The following RGS6 variants were observed in gnomAD, a reference collection of about 807,000 sequenced individuals.
RGS6 encodes regulator of G protein signaling 6.
Under a neutral mutation model 78.5 loss-of-function variants are expected in RGS6, and 30 were observed. That is an observed-to-expected ratio of 0.38 (90% CI 0.29 to 0.52). The LOEUF is 0.52. Ranked by LOEUF, RGS6 falls within the 20% of genes least tolerant of loss-of-function variation. The pLI is 0.85. For synonymous variants in RGS6, 206 were observed against 206.0 expected (o/e 1.00, Z 0.00); for missense variants, 495 against 609.7 (o/e 0.81, Z 1.98).
chr14:72,394,215 G>A (rs1024977586), intron 3 of RGS6, among the ~76,000 whole-genome samples: 2 of 152,014 alleles, frequency 1.3e-5, no homozygotes, highest in Non-Finnish European at 2.9e-5. Context: ...GTGTCCGGGG[G>A]AGACATCACA....
chr14:72,245,860 A>G (rs1306592827), intron 2 of RGS6, among the ~76,000 whole-genome samples: 1 of 152,204 alleles, frequency 6.6e-6, no homozygotes, highest in Non-Finnish European at 1.5e-5. Context: ...AGGATAGTCA[A>G]CTGGGAGAAA....
intron 15 of RGS6, among the ~76,000 whole-genome samples, chr14:72,524,008 G>A (rs144846019): frequency 4.0e-4 from 61 of 152,178 alleles, no homozygotes; most frequent in African/African-American, 1.4e-3. Flanking sequence ...CTTCTTTACA[G>A]CCCGCTAAGG....
chr14:72,286,094 A>C lies in RGS6; in HGVS notation c.85-66001A>C, dbSNP rs563095907. ...ATCCAAGAAATCATTGCAGAGACCAATATCATAAAGTTTTGCCCCATGTTT... is the reference window on the plus strand; with the variant it reads ...ATCCAAGAAATCATTGCAGAGACCACTATCATAAAGTTTTGCCCCATGTTT... On this transcript the variant is annotated intron_variant, in intron 2 of 17. Transcript: ENST00000553525. Among the ~76,000 whole-genome samples, 7 of 152,312 alleles carry C rather than the reference A, an allele frequency of 4.6e-5. No individual in the cohort carries two copies. The South Asian group carries it at 1.2e-3, about 27-fold the overall frequency.
At chr14:72,021,352 G>A (rs375115634) in intron 2 of RGS6, among the ~76,000 whole-genome samples, 3 of 151,736 alleles carry the variant, frequency 2.0e-5, no homozygotes, top group African/African-American at 7.3e-5. Context: ...GGCCACCAAA[G>A]CACTGGAACA....
intron 17 of RGS6, 77 bp downstream of exon 17, chr14:72,540,171 T>TC (rs773784872): frequency 3.6e-5 from 53 of 1,458,266 alleles, no homozygotes; most frequent in African/African-American, 4.3e-5. Context: ...TTTTTTTTTT[T>TC]CCCTTTGGTT....
At chr14:72,189,814 C>T (rs1283172946) in intron 2 of RGS6, among the ~76,000 whole-genome samples, 6 of 151,974 alleles carry the variant, frequency 3.9e-5, no homozygotes, top group African/African-American at 7.3e-5. Flanking sequence ...GGTTGAGACA[C>T]GCATAAGATT....
At chr14:72,609,214 T>G in the RGS6 span, among the ~76,000 whole-genome samples, 1 of 151,430 alleles carries the variant, frequency 6.6e-6, no homozygotes. Context: ...TATCGAGGGG[T>G]CCCAAAGAAG....
intron 2 of RGS6, among the ~76,000 whole-genome samples, chr14:72,330,764 A>G (rs1405573254): frequency 2.0e-5 from 3 of 152,138 alleles, no homozygotes; most frequent in African/African-American, 7.2e-5. Flanking sequence ...CTAGAGAAGG[A>G]GTGGCCAATT....
At chr14:72,332,927 CAG>C (rs2075340751) in intron 2 of RGS6, among the ~76,000 whole-genome samples, 1 of 152,062 alleles carries the variant, frequency 6.6e-6, no homozygotes, top group African/African-American at 2.4e-5. Flanking sequence ...CTGAAGGAAA[CAG>C]AGGCACACGG....
At chr14:72,394,182 AAG>A (rs2090626261) in intron 3 of RGS6, among the ~76,000 whole-genome samples, 1 of 151,994 alleles carries the variant, frequency 6.6e-6, no homozygotes. Context: ...AAAGAGTACA[AAG>A]AGATAAATTT....
intron 17 of RGS6, chr14:72,541,083 G>C (rs1218860591): frequency 7.4e-7 from 1 of 1,355,432 alleles, no homozygotes; most frequent in South Asian, 1.2e-5. Context: ...CCTGTACCAT[G>C]AACATCAAAC....
chr14:72,273,429 G>A (rs923814715), intron 2 of RGS6, among the ~76,000 whole-genome samples: 2 of 152,000 alleles, frequency 1.3e-5, no homozygotes, highest in African/African-American at 2.4e-5. Flanking sequence ...TTCCAGCTAG[G>A]CATTAAATTG....
At chr14:72,040,164 A>G (rs2092259478) in intron 2 of RGS6, among the ~76,000 whole-genome samples, 1 of 152,142 alleles carries the variant, frequency 6.6e-6, no homozygotes, top group Non-Finnish European at 1.5e-5. Flanking sequence ...TTAAAATGAC[A>G]TACAACCTAC....
chr14:72,046,881 G>C (rs1398119121), intron 2 of RGS6, among the ~76,000 whole-genome samples: 1 of 152,142 alleles, frequency 6.6e-6, no homozygotes, highest in Non-Finnish European at 1.5e-5. Flanking sequence ...ATTTTCAGCT[G>C]TACTGAAAAA....
At chr14:72,290,598 T>A (rs528616048) in intron 2 of RGS6, among the ~76,000 whole-genome samples, 1 of 152,192 alleles carries the variant, frequency 6.6e-6, no homozygotes, top group Non-Finnish European at 1.5e-5. Context: ...GTTGACACTT[T>A]TGGGGATTGA....
intron 2 of RGS6, among the ~76,000 whole-genome samples, chr14:72,335,609 T>G (rs2239246): frequency 0.29 from 44,616 of 152,026 alleles, 6,715 homozygotes; most frequent in South Asian, 0.39. Context: ...GCACACTGTT[T>G]TTAACGTGGT....
At chr14:72,075,825 T>C (rs774278093) in intron 2 of RGS6, among the ~76,000 whole-genome samples, 2 of 152,196 alleles carry the variant, frequency 1.3e-5, no homozygotes, top group Non-Finnish European at 2.9e-5. Flanking sequence ...GACGGCAGTG[T>C]CAGTGTTGGA....
chr14:72,379,893 T>C (rs2085630160), intron 3 of RGS6, among the ~76,000 whole-genome samples: 1 of 151,466 alleles, frequency 6.6e-6, no homozygotes, highest in African/African-American at 2.4e-5. Context: ...TAGTTAGAGG[T>C]ATCACACTGC....
chr14:72,228,694 T>C (rs1459071525), intron 2 of RGS6, among the ~76,000 whole-genome samples: 2 of 152,116 alleles, frequency 1.3e-5, no homozygotes, highest in African/African-American at 2.4e-5. Flanking sequence ...GCAGGCAGGT[T>C]AGGGACTGAG....
Sources: allele counts gnomAD v4.1 joint callset (sites outside exome capture counted in the v4.1 genomes callset), GRCh38; gene constraint gnomAD v4.1.1; transcripts MANE v1.5; gene names NCBI Gene and HGNC (gene_info 2026-07-23, HGNC 2026-07-21).